The following GRIP1 variants were observed in gnomAD, a reference collection of about 807,000 sequenced individuals.
GRIP1 encodes the protein glutamate receptor-interacting protein 1.
A neutral mutation model predicts 129.9 loss-of-function variants in GRIP1; 45 were observed. That is an observed-to-expected ratio of 0.35 (90% confidence interval 0.27 to 0.44). GRIP1 has a LOEUF of 0.44. Ranked by LOEUF, GRIP1 falls within the 20% of genes least tolerant of loss-of-function variation. GRIP1 has a pLI of 1.00. For synonymous variants in GRIP1, 530 were observed against 520.8 expected (o/e 1.02, Z -0.24); for missense variants, 1,196 against 1,396.8 (o/e 0.86, Z 2.29).
In GRIP1 at chr12:66,462,910, G is replaced by A; in HGVS notation, c.1042+14C>T. The A allele has an allele frequency of 6.2e-7, 1 of 1,607,324 alleles. No individual in the cohort carries two copies. Among genetic ancestry groups the A allele is most frequent in the Non-Finnish European group, 8.5e-7 (1 of 1,175,038 alleles). Reference sequence around the variant, plus strand: ...GGGCCAGAGAAAGAGCTTGATCCAGGTGGACCATCTCACCATGGTCGGGCC... The same window carrying A: ...GGGCCAGAGAAAGAGCTTGATCCAGATGGACCATCTCACCATGGTCGGGCC... On this transcript the variant is annotated intron_variant, in intron 9 of 24. Transcript: ENST00000359742.
intron 1 of GRIP1, among the ~76,000 whole-genome samples, chr12:66,875,035 C>T (rs1455551576): frequency 1.3e-5 from 2 of 151,910 alleles, no homozygotes; most frequent in East Asian, 3.9e-4. Context: ...AAGATAGGAA[C>T]CATGTTTTAT....
chr12:66,454,843 TG>T (rs1406485061), intron 11 of GRIP1, among the ~76,000 whole-genome samples: 10 of 152,174 alleles, frequency 6.6e-5, no homozygotes, highest in Non-Finnish European at 1.5e-4. Flanking sequence ...GGTAGGCTTC[TG>T]GAAAAAGTAT....
intron 1 of GRIP1, among the ~76,000 whole-genome samples, chr12:66,977,833 T>C (rs1361073856): frequency 7.6e-6 from 1 of 131,380 alleles, no homozygotes; most frequent in Non-Finnish European, 1.6e-5. Flanking sequence ...TTTTTTTTTT[T>C]TTTGGCTCTT....
intron 16 of GRIP1, among the ~76,000 whole-genome samples, chr12:66,399,959 G>A (rs2056925916): frequency 6.6e-6 from 1 of 151,912 alleles, no homozygotes; most frequent in Admixed American, 6.5e-5. Flanking sequence ...ACATAGATAT[G>A]TCACAATGAT....
intron 7 of GRIP1, among the ~76,000 whole-genome samples, chr12:66,465,980 A>G (rs1288355128): frequency 3.3e-5 from 5 of 152,210 alleles, no homozygotes; most frequent in Admixed American, 6.5e-5. Context: ...ATGGATGGGT[A>G]GATAGATAAT....
At chr12:66,871,942 T>A (rs146435818) in intron 1 of GRIP1, among the ~76,000 whole-genome samples, 90 of 152,196 alleles carry the variant, frequency 5.9e-4, no homozygotes, top group Non-Finnish European at 1.2e-3. Flanking sequence ...GGGCACCATC[T>A]TCATTGTTGT....
chr12:66,472,044 A>T (rs986433160), intron 7 of GRIP1, among the ~76,000 whole-genome samples: 1 of 152,226 alleles, frequency 6.6e-6, no homozygotes, highest in African/African-American at 2.4e-5. Flanking sequence ...GGCATTTTAC[A>T]TAAGTGACTA....
chr12:66,468,572 C>G (rs2059350092), intron 7 of GRIP1, among the ~76,000 whole-genome samples: 1 of 152,072 alleles, frequency 6.6e-6, no homozygotes, highest in South Asian at 2.1e-4. Flanking sequence ...AATACTCAAA[C>G]AAAGTATTCA....
chr12:66,390,366 C>A (rs1429740274), intron 19 of GRIP1, among the ~76,000 whole-genome samples: 1 of 152,130 alleles, frequency 6.6e-6, no homozygotes, highest in Non-Finnish European at 1.5e-5. Flanking sequence ...TTTTTCATTA[C>A]CTTGGAGTAC....
In GRIP1 at chr12:66,541,894, C is replaced by T; in HGVS notation, c.193G>A (p.Gly65Ser). The change falls in exon 3 of 25, where the codon GGT (glycine) becomes AGT (serine). Residue 65 changes from glycine (G) to serine (S), a missense_variant. Physicochemically the swap from Gly to Ser is moderately conservative, Grantham distance 56. Coordinates refer to ENST00000359742, the MANE Select transcript of GRIP1 (RefSeq NM_001366722.1). ...ELMKKEGTTL[G>S]LTVSGGIDKD... Reference sequence around the variant, plus strand: ...TCAATTCCTCCCGATACCGTCAGACCCAGGGTAGTGCCTTCCTTCTTCATC... The same window carrying T: ...TCAATTCCTCCCGATACCGTCAGACTCAGGGTAGTGCCTTCCTTCTTCATC... The T allele has an allele frequency of 6.2e-7, 1 of 1,613,906 alleles. No homozygotes were observed. The highest frequency in any genetic ancestry group is 8.5e-7 in the Non-Finnish European group (1 of 1,179,784).
intron 1 of GRIP1, among the ~76,000 whole-genome samples, chr12:66,957,505 C>T (rs915766673): frequency 6.6e-6 from 1 of 151,706 alleles, no homozygotes; most frequent in Non-Finnish European, 1.5e-5. Flanking sequence ...TCTCCTTATG[C>T]GACTCTTGGC....
intron 1 of GRIP1, among the ~76,000 whole-genome samples, chr12:67,049,729 T>TAAAAA (rs749293794): frequency 8.0e-6 from 1 of 124,566 alleles, no homozygotes; most frequent in African/African-American, 2.9e-5. Flanking sequence ...AAAGTACAAT[T>TAAAAA]AAAAAAAAAA....
intron 1 of GRIP1, among the ~76,000 whole-genome samples, chr12:66,995,035 C>A (rs2042446809): frequency 6.6e-6 from 1 of 151,888 alleles, no homozygotes; most frequent in Admixed American, 6.6e-5. Context: ...CAGAAATAAA[C>A]CCTTACGTTT....
intron 1 of GRIP1, among the ~76,000 whole-genome samples, chr12:67,059,427 A>T (rs1283415198): frequency 6.6e-6 from 1 of 152,216 alleles, no homozygotes; most frequent in East Asian, 1.9e-4. Flanking sequence ...CCAAGTCCAG[A>T]GCAGTAGACA....
chr12:66,470,675 A>T (rs1189953050), intron 7 of GRIP1, among the ~76,000 whole-genome samples: 1 of 152,230 alleles, frequency 6.6e-6, no homozygotes, highest in Non-Finnish European at 1.5e-5. Context: ...CATGGGGTAG[A>T]GTATGCTGTT....
chr12:66,709,379 G>A (rs1040227087), intron 1 of GRIP1, among the ~76,000 whole-genome samples: 5 of 151,938 alleles, frequency 3.3e-5, no homozygotes, highest in African/African-American at 1.2e-4. Flanking sequence ...AGTGGCATAT[G>A]GATTGACTAA....
At chr12:66,795,865 C>G (rs957540132) in intron 1 of GRIP1, among the ~76,000 whole-genome samples, 3 of 152,074 alleles carry the variant, frequency 2.0e-5, no homozygotes, top group African/African-American at 7.2e-5. Context: ...ACTTGAAAGA[C>G]TAGGGAGAAG....
rs567046585 is a variant in GRIP1 at position 66,704,753 on chromosome 12, A to C, written c.-419-74417T>G. On this transcript the variant is annotated intron_variant, in intron 1 of 4. Coordinates refer to the GRIP1 transcript ENST00000538373. ...TGATTTATCCTAAAGAAACACAGCC[A>C]AGATTTTTCTATATCATTTTTCTTC... is the stretch of plus-strand genomic sequence containing the variant. Among the ~76,000 whole-genome samples, 8 of 152,190 alleles carry C rather than the reference A, an allele frequency of 5.3e-5. No individual in the cohort carries two copies. In the South Asian group the frequency reaches 1.7e-3, roughly 32 times the overall value.
intron 16 of GRIP1, among the ~76,000 whole-genome samples, chr12:66,402,419 T>G (rs1405414107): frequency 1.3e-5 from 2 of 152,194 alleles, no homozygotes; most frequent in Non-Finnish European, 1.5e-5. Flanking sequence ...ATCGAGGGCT[T>G]TAGCAGCATT....
Sources: gnomAD v4.1 joint callset for allele counts (sites outside exome capture counted in the v4.1 genomes callset) on GRCh38, gnomAD v4.1.1 for gene constraint, MANE v1.5 for transcripts, NCBI Gene and HGNC (gene_info 2026-07-23, HGNC 2026-07-21) for gene names.